Variants in COL11A1 observed in about 807,000 individuals in gnomAD.
COL11A1 encodes collagen alpha-1(XI) chain.
A neutral mutation model predicts 265.2 loss-of-function variants in COL11A1; 74 were observed. The observed-to-expected ratio is 0.28, with a 90% CI of 0.23 to 0.34. The LOEUF is 0.34. Among genes scored for constraint, COL11A1 ranks in the 10% least tolerant of loss-of-function variants. COL11A1 has a pLI of 1.00. For missense variants in COL11A1, 2,165 were observed against 2,263.6 expected (o/e 0.96, Z 0.88); for synonymous variants, 816 against 727.6 (o/e 1.12, Z -1.96).
chr1:103,014,733 T>C (rs959904137), intron 12 of COL11A1, 139 bp from the exon 13 acceptor site: 1 of 724,848 alleles, frequency 1.4e-6, no homozygotes, highest in Admixed American at 2.0e-5. Context: ...TAATGAATCA[T>C]GAGATCTAGT....
intron 41 of COL11A1, among the ~76,000 whole-genome samples, chr1:102,954,075 A>T (rs1660141901): frequency 6.6e-6 from 1 of 152,310 alleles, no homozygotes; most frequent in Non-Finnish European, 1.5e-5. Flanking sequence ...TATGGAAAAC[A>T]TGCCATTTTT....
At chr1:103,015,469 C>T (rs1358518104) in intron 12 of COL11A1, among the ~76,000 whole-genome samples, 199 bp downstream of exon 12, 2 of 151,914 alleles carry the variant, frequency 1.3e-5, no homozygotes, top group African/African-American at 4.8e-5. Flanking sequence ...ATAATGAATT[C>T]TTAGTTTTAA....
chr1:103,071,258 G>A (rs1451025780), intron 4 of COL11A1, among the ~76,000 whole-genome samples: 6 of 151,616 alleles, frequency 4.0e-5, no homozygotes, highest in Non-Finnish European at 7.4e-5. Context: ...TAAAAAATTA[G>A]GAAACAGAAA....
chr1:103,024,528 C>T (rs1261361919), intron 7 of COL11A1, among the ~76,000 whole-genome samples: 1 of 151,828 alleles, frequency 6.6e-6, no homozygotes, highest in Non-Finnish European at 1.5e-5. Flanking sequence ...TTTTTGTATT[C>T]TTAGATAAGG....
chr1:102,931,685 C>A (rs1338896722), intron 46 of COL11A1, among the ~76,000 whole-genome samples: 1 of 151,856 alleles, frequency 6.6e-6, no homozygotes, highest in African/African-American at 2.4e-5. Flanking sequence ...CTAATGTTGA[C>A]AGTGGGGTGT....
intron 41 of COL11A1, among the ~76,000 whole-genome samples, chr1:102,953,279 C>T (rs1176792689): frequency 6.6e-6 from 1 of 151,680 alleles, no homozygotes; most frequent in Non-Finnish European, 1.5e-5. Flanking sequence ...TCAATGATCT[C>T]CAGCAGTTTG....
chr1:103,103,635 G>A (rs895327952), intron 1 of COL11A1, among the ~76,000 whole-genome samples: 1 of 151,620 alleles, frequency 6.6e-6, no homozygotes, highest in African/African-American at 2.4e-5. Context: ...CAAATATATG[G>A]TCTAATAATT....
Position 103,044,923 on chromosome 1 carries a change from C to T in COL11A1, c.652-13679G>A, listed in dbSNP as rs139572741. 1.8e-3 allele frequency among the ~76,000 whole-genome samples: 278 copies of T among 152,014 alleles called. 1 individual carries two copies. Among genetic ancestry groups the T allele is most frequent in the Non-Finnish European group, 2.8e-3 (193 of 67,992 alleles). On this transcript the variant is annotated intron_variant, in intron 4 of 66. Coordinates refer to ENST00000370096, the MANE Select transcript of COL11A1 (RefSeq NM_001854.4). ...CGAATATATGTCAGAAAGTAGGATA[C>T]TCTATTATAAAGTGCAATCATGGAA...
intron 46 of COL11A1, among the ~76,000 whole-genome samples, chr1:102,932,854 G>A (rs1005840036): frequency 4.6e-5 from 7 of 151,202 alleles, no homozygotes; most frequent in African/African-American, 9.7e-5. Context: ...ATCTTCCCTC[G>A]CTGATACCCT....
chr1:103,083,261 T>TGC (rs932310850), intron 1 of COL11A1, among the ~76,000 whole-genome samples: 3 of 149,094 alleles, frequency 2.0e-5, no homozygotes, highest in African/African-American at 7.5e-5. Flanking sequence ...TGTGTGTGTG[T>TGC]GTGTGCGTGT....
At chr1:102,908,801 A>T (rs992140128) in intron 54 of COL11A1, among the ~76,000 whole-genome samples, 4 of 152,130 alleles carry the variant, frequency 2.6e-5, no homozygotes, top group African/African-American at 9.7e-5. Flanking sequence ...TACCCACCTC[A>T]TAAATCCACT....
intron 4 of COL11A1, among the ~76,000 whole-genome samples, chr1:103,047,774 C>T (rs1010943833): frequency 2.6e-5 from 4 of 152,038 alleles, no homozygotes; most frequent in African/African-American, 9.7e-5. Context: ...TGAGATATGA[C>T]CCATCAATAC....
intron 38 of COL11A1, among the ~76,000 whole-genome samples, chr1:102,963,427 TCC>T (rs1661107533): frequency 6.6e-6 from 1 of 152,160 alleles, no homozygotes. Flanking sequence ...CATTTACGTG[TCC>T]CCTGAGTGGT....
At chr1:102,891,379 TAAAG>T (rs145131545) in intron 57 of COL11A1, among the ~76,000 whole-genome samples, 8,481 of 152,072 alleles carry the variant, frequency 0.056, 289 homozygotes, top group Non-Finnish European at 0.081. Context: ...ATGAAATTAA[TAAAG>T]AAATTTATTT....
At chr1:102,948,924 G>T (rs1272597629) in intron 41 of COL11A1, among the ~76,000 whole-genome samples, 1 of 151,800 alleles carries the variant, frequency 6.6e-6, no homozygotes, top group Non-Finnish European at 1.5e-5. Flanking sequence ...AGAGTAAAAA[G>T]AACACAAATA....
At chr1:102,912,297 AC>A in intron 53 of COL11A1, 85 bp from the exon 54 acceptor site, 1 of 1,034,246 alleles carries the variant, frequency 9.7e-7, no homozygotes, top group South Asian at 1.5e-5. Flanking sequence ...ATGGAAACCA[AC>A]CCTCTTTCTT....
chr1:102,889,279 A>G (rs1281638250), intron 59 of COL11A1, among the ~76,000 whole-genome samples, 176 bp downstream of exon 59: 1 of 152,096 alleles, frequency 6.6e-6, no homozygotes, highest in Non-Finnish European at 1.5e-5. Flanking sequence ...ATATTTTAAA[A>G]TTTATTTACT....
intron 66 of COL11A1, among the ~76,000 whole-genome samples, chr1:102,879,312 T>C (rs1017342852): frequency 6.6e-5 from 10 of 152,284 alleles, no homozygotes; most frequent in African/African-American, 2.4e-4. Context: ...AATGGTATAA[T>C]GGTGATTCCT....
intron 41 of COL11A1, among the ~76,000 whole-genome samples, chr1:102,959,431 A>T (rs527316264): frequency 5.3e-4 from 67 of 126,618 alleles, no homozygotes; most frequent in Admixed American, 1.3e-3. Flanking sequence ...TGTAATCTGC[A>T]CTCTGTGAAG....
Sources: gnomAD v4.1 joint callset for allele counts (sites outside exome capture counted in the v4.1 genomes callset) on GRCh38, gnomAD v4.1.1 for gene constraint, MANE v1.5 for transcripts, NCBI Gene and HGNC (gene_info 2026-07-23, HGNC 2026-07-21) for gene names.